SLIT3: variants seen among roughly 807,000 people sequenced by gnomAD.
SLIT3 encodes slit homolog 3 protein.
In SLIT3, 68 loss-of-function variants were observed where a neutral mutation model predicts 184.0. That is an observed-to-expected ratio of 0.37 (90% CI 0.30 to 0.45). The LOEUF (loss-of-function observed/expected upper bound fraction) is 0.45. Ranked by LOEUF, SLIT3 falls within the 20% of genes least tolerant of loss-of-function variation. SLIT3 has a pLI of 1.00. For missense variants in SLIT3, 1,707 were observed against 2,026.0 expected, an observed-to-expected ratio of 0.84 and a Z score of 3.02; for synonymous variants, 831 against 828.6, an observed-to-expected ratio of 1.00 and a Z score of -0.05.
chr5:168,885,573 C>T (rs1394472684), intron 4 of SLIT3, among the ~76,000 whole-genome samples: 1 of 152,224 alleles, frequency 6.6e-6, no homozygotes. Flanking sequence ...GTCTTTTCTG[C>T]CAAATGAAGC....
chr5:169,059,692 G>C (rs1399345806), intron 4 of SLIT3, among the ~76,000 whole-genome samples: 1 of 152,184 alleles, frequency 6.6e-6, no homozygotes, highest in African/African-American at 2.4e-5. Context: ...TGTCTGACTT[G>C]GCTTAAAATA....
intron 7 of SLIT3, among the ~76,000 whole-genome samples, chr5:168,818,212 G>A (rs1171808134): frequency 6.6e-6 from 1 of 152,080 alleles, no homozygotes; most frequent in Non-Finnish European, 1.5e-5. Context: ...ACTGATTCAG[G>A]TATGGCTGAA....
At chr5:168,886,986 A>G (rs1264592010) in intron 4 of SLIT3, among the ~76,000 whole-genome samples, 2 of 152,006 alleles carry the variant, frequency 1.3e-5, no homozygotes, top group Non-Finnish European at 2.9e-5. Flanking sequence ...TTAATTTACT[A>G]AAATGCTTTG....
rs1762536425 is a variant in SLIT3 at position 168,710,932 on chromosome 5, G to A, written c.2682C>T (p.Leu894=). The part of the protein sequence containing the change: ...CSSPEPMADR[L]LLTTPTHRFQ... ...AGCGGTGGGTTGGGGTGGTGAGCAG[G>A]AGCCTGTCAGCCATGGGCTCAGGGC... The change falls in exon 25 of 36, where the codon CTC becomes CTT. Residue 894 remains leucine, a synonymous_variant. Coordinates refer to ENST00000519560, the MANE Select transcript of SLIT3 (RefSeq NM_003062.4). 4 of 1,562,816 alleles carry A rather than the reference G, an allele frequency of 2.6e-6. No homozygotes were observed. The highest frequency in any genetic ancestry group is 2.3e-5 in the East Asian group (1 of 42,846).
At chr5:169,141,251 A>G (rs1341583718) in intron 4 of SLIT3, among the ~76,000 whole-genome samples, 1 of 152,178 alleles carries the variant, frequency 6.6e-6, no homozygotes, top group Admixed American at 6.5e-5. Context: ...TGACTACGAC[A>G]TCACCCCACA....
chr5:169,000,392 CAAAAAAAA>C (rs34002967), intron 4 of SLIT3, among the ~76,000 whole-genome samples: 4 of 42,316 alleles, frequency 9.5e-5, no homozygotes, highest in Non-Finnish European at 1.2e-4. Flanking sequence ...AACTCCATCT[CAAAAAAAA>C]AAAAAAAAAA....
intron 4 of SLIT3, among the ~76,000 whole-genome samples, chr5:168,958,333 A>T (rs996090206): frequency 6.6e-6 from 1 of 152,162 alleles, no homozygotes; most frequent in African/African-American, 2.4e-5. Context: ...CTGCTTGAGG[A>T]AACTGCATGG....
At chr5:168,720,169 G>C (rs750876235) in intron 23 of SLIT3, 1 of 152,258 alleles carries the variant, frequency 6.6e-6, no homozygotes, top group Non-Finnish European at 1.5e-5. Flanking sequence ...TCCCACCTCG[G>C]CCTCCCAAAG....
chr5:168,901,716 T>A (rs1242588121), intron 4 of SLIT3, among the ~76,000 whole-genome samples: 1 of 152,186 alleles, frequency 6.6e-6, no homozygotes, highest in Non-Finnish European at 1.5e-5. Flanking sequence ...AGGTCCTGAC[T>A]GTGTGGAACA....
intron 4 of SLIT3, among the ~76,000 whole-genome samples, chr5:169,113,725 G>A (rs1241557850): frequency 3.4e-5 from 5 of 145,990 alleles, no homozygotes; most frequent in Non-Finnish European, 7.4e-5. Flanking sequence ...GCTCGATCAC[G>A]GCTCACTGCA....
At chr5:168,768,729 T>C (rs1055373034) in intron 14 of SLIT3, among the ~76,000 whole-genome samples, 1 of 152,192 alleles carries the variant, frequency 6.6e-6, no homozygotes, top group African/African-American at 2.4e-5. Flanking sequence ...CAATCCACAG[T>C]TCCCAGTGGT....
At position 168,795,561 on chromosome 5, in the gene SLIT3, G is replaced by C. The variant is rs938906884; in HGVS notation, c.953C>G (p.Ser318Cys). 1.2e-6 allele frequency: 2 copies of C among 1,613,740 alleles called. No homozygotes were observed. Among genetic ancestry groups the C allele is most frequent in the Non-Finnish European group, 8.5e-7 (1 of 1,179,768 alleles). Reference protein sequence around the residue: ...GIVEIRLEQNSIKAIPAGAFT... With the variant: ...GIVEIRLEQNCIKAIPAGAFT... ...GGCTCCTGCAGGGATGGCTTTGATG[G>C]AGTTCTGTTCTAGGCGTCTGGGAAA... Residue 318 changes from serine to cysteine, a missense_variant, in exon 10 of 36, where the codon TCC becomes TGC. Transcript: ENST00000519560.
At chr5:168,858,974 T>C (rs1759004870) in intron 5 of SLIT3, among the ~76,000 whole-genome samples, 1 of 152,154 alleles carries the variant, frequency 6.6e-6, no homozygotes, top group Non-Finnish European at 1.5e-5. Context: ...GAGTGAGGCT[T>C]GCGGTGGGGT....
chr5:168,683,722 T>C (rs377740172), intron 32 of SLIT3, among the ~76,000 whole-genome samples: 6 of 152,326 alleles, frequency 3.9e-5, no homozygotes, highest in African/African-American at 1.4e-4. Flanking sequence ...CTGTTTATCT[T>C]ATGGTGATGA....
intron 4 of SLIT3, among the ~76,000 whole-genome samples, chr5:168,905,636 T>C (rs1292687748): frequency 2.0e-5 from 3 of 152,180 alleles, no homozygotes; most frequent in Non-Finnish European, 2.9e-5. Flanking sequence ...TTTACATATA[T>C]AGACACTACA....
intron 4 of SLIT3, among the ~76,000 whole-genome samples, chr5:169,003,845 C>T (rs1205124502): frequency 1.3e-5 from 2 of 152,040 alleles, no homozygotes; most frequent in African/African-American, 4.8e-5. Context: ...AACAGCTAAA[C>T]AGGCTTTGAC....
rs1342875507 is a variant in SLIT3, at chr5:168,752,936, T to C, written c.1973+19A>G. The C allele has an allele frequency of 7.4e-6, 12 of 1,612,956 alleles. No individual in the cohort carries two copies. Among genetic ancestry groups the C allele is most frequent in the Non-Finnish European group, 9.3e-6 (11 of 1,179,156 alleles). ...GTGGGATCCCAGAGTCCGTGGGCAGTGGACCCAGGAGAACTTACATGGTGG... is the reference window on the plus strand; with the variant it reads ...GTGGGATCCCAGAGTCCGTGGGCAGCGGACCCAGGAGAACTTACATGGTGG... On this transcript the variant is annotated intron_variant, in intron 18 of 35. Coordinates refer to ENST00000519560, the MANE Select transcript of SLIT3 (RefSeq NM_003062.4).
intron 4 of SLIT3, among the ~76,000 whole-genome samples, chr5:169,053,101 G>C (rs190728284): frequency 6.6e-6 from 1 of 152,202 alleles, no homozygotes; most frequent in African/African-American, 2.4e-5. Context: ...TGCTTCCTGC[G>C]CATGCTAATG....
intron 6 of SLIT3, among the ~76,000 whole-genome samples, chr5:168,835,477 CAAAAAAAA>C (rs558345211): frequency 8.3e-5 from 11 of 133,268 alleles, no homozygotes; most frequent in South Asian, 4.9e-4. Context: ...TCCCTTACTT[CAAAAAAAA>C]AAAAAAAGTG....
Sources: gnomAD v4.1 joint callset for allele counts (sites outside exome capture counted in the v4.1 genomes callset) on GRCh38, gnomAD v4.1.1 for gene constraint, MANE v1.5 for transcripts, NCBI Gene and HGNC (gene_info 2026-07-23, HGNC 2026-07-21) for gene names.